The following PTPDC1 variants were observed in gnomAD, a reference collection of about 807,000 sequenced individuals.
PTPDC1 encodes the protein protein tyrosine phosphatase domain containing 1, also known as protein tyrosine phosphatase domain-containing protein 1.
A neutral mutation model predicts 75.3 loss-of-function variants in PTPDC1; 53 were observed. The observed-to-expected ratio is 0.70, with a 90% CI of 0.56 to 0.88. The LOEUF (loss-of-function observed/expected upper bound fraction) is 0.88, where lower values mean the gene tolerates loss of function less well. Ranked by LOEUF, PTPDC1 falls within the 40% of genes least tolerant of loss-of-function variation. The probability of loss-of-function intolerance (pLI) is 0.00; values close to 1 mark genes in which losing one functional copy is unlikely to be tolerated. For missense variants in PTPDC1, 925 were observed against 998.6 expected (o/e 0.93, Z 0.99); for synonymous variants, 349 against 366.2 (o/e 0.95, Z 0.54).
chr9:94,066,668 C>T (rs1279705219), intron 2 of PTPDC1, among the ~76,000 whole-genome samples: 5 of 152,092 alleles, frequency 3.3e-5, no homozygotes, highest in Non-Finnish European at 5.9e-5. Context: ...AGAGATTCTC[C>T]TGTCTCAGCC....
chr9:94,052,030 C>G (rs1825807030), intron 1 of PTPDC1, among the ~76,000 whole-genome samples: 1 of 151,946 alleles, frequency 6.6e-6, no homozygotes, highest in African/African-American at 2.4e-5. Context: ...TAGCGGCATC[C>G]CATAAATTTT....
In PTPDC1 at chr9:94,098,475, G is replaced by A. The variant is rs772445568; in HGVS notation, c.1909G>A (p.Glu637Lys). The A allele has an allele frequency of 1.2e-6, 2 of 1,614,166 alleles. No individual in the cohort carries two copies. Among genetic ancestry groups the A allele is most frequent in the South Asian group, 2.2e-5 (2 of 91,090 alleles). ...EAASHSALQS[E>K]LSAEARRILA... is the part of the protein sequence containing the mutation. ...AGCTTCACACTCTGCATTACAGTCT[G>A]AATTGAGTGCTGAGGCAAGAAGAAT... Residue 637 changes from glutamate to lysine, a missense_variant, in exon 6 of 9, where the codon GAA (glutamate) becomes AAA (lysine). Physicochemically the swap from Glu to Lys is moderately conservative, Grantham distance 56 (BLOSUM62 1). Coordinates refer to ENST00000620992, the MANE Select transcript of PTPDC1 (RefSeq NM_001253829.2).
chr9:94,104,306 A>C lies in PTPDC1; in HGVS notation c.2231A>C (p.His744Pro). Residue 744 changes from histidine (H) to proline (P), a missense_variant, in exon 8 of 9, where the codon CAC (histidine) becomes CCC (proline). Transcript: ENST00000620992. ...GQHQTILCVL[H>P]CIVNLQTIPV... Reference sequence around the variant, plus strand: ...CACCAGACTATTCTCTGCGTGTTGCACTGCATAGTGAACCTGCAGACAATT... The same window carrying C: ...CACCAGACTATTCTCTGCGTGTTGCCCTGCATAGTGAACCTGCAGACAATT... The C allele has an allele frequency of 6.2e-7, 1 of 1,613,832 alleles. No individual in the cohort carries two copies. Among genetic ancestry groups the C allele is most frequent in the Non-Finnish European group, 8.5e-7 (1 of 1,179,784 alleles).
chr9:94,088,962 A>G (rs1827177081), intron 4 of PTPDC1, among the ~76,000 whole-genome samples: 2 of 152,178 alleles, frequency 1.3e-5, no homozygotes, highest in African/African-American at 2.4e-5. Context: ...GAGTAACTAT[A>G]GCATGAATCA....
intron 1 of PTPDC1, among the ~76,000 whole-genome samples, chr9:94,056,376 T>C (rs1250043417): frequency 6.6e-6 from 1 of 152,226 alleles, no homozygotes; most frequent in African/African-American, 2.4e-5. Flanking sequence ...CTACGATTGC[T>C]GTCTAGAATC....
At chr9:94,083,468 A>T (rs1052275653), upstream of PTPDC1, among the ~76,000 whole-genome samples, 1 of 152,106 alleles carries the variant, frequency 6.6e-6, no homozygotes, top group African/African-American at 2.4e-5. Context: ...AAAAAAAAAA[A>T]ATAGAAAATA....
intron 1 of PTPDC1, among the ~76,000 whole-genome samples, chr9:94,052,165 A>G (rs1037193541): frequency 6.6e-6 from 1 of 152,158 alleles, no homozygotes; most frequent in Non-Finnish European, 1.5e-5. Flanking sequence ...CAAGATATAT[A>G]TATACTTTAA....
At chr9:94,099,698 A>G (rs1347079429) in intron 6 of PTPDC1, among the ~76,000 whole-genome samples, 1 of 152,240 alleles carries the variant, frequency 6.6e-6, no homozygotes, top group Non-Finnish European at 1.5e-5. Context: ...TCAGTCAGCA[A>G]ATATTTCCTG....
At chr9:94,051,651 G>A (rs984956452) in intron 1 of PTPDC1, among the ~76,000 whole-genome samples, 2 of 152,108 alleles carry the variant, frequency 1.3e-5, no homozygotes, top group African/African-American at 4.8e-5. Flanking sequence ...GCTTTATCAG[G>A]TATAGGATTA....
chr9:94,032,709 C>T (rs914265614), intron 1 of PTPDC1, among the ~76,000 whole-genome samples: 14 of 152,134 alleles, frequency 9.2e-5, no homozygotes, highest in South Asian at 4.1e-4. Flanking sequence ...TATTTTGAGA[C>T]GGGGTCTCAC....
intron 1 of PTPDC1, among the ~76,000 whole-genome samples, chr9:94,043,965 A>G (rs202173906): frequency 6.6e-6 from 1 of 152,140 alleles, no homozygotes; most frequent in East Asian, 1.9e-4. Flanking sequence ...AAATTAGTCG[A>G]CTATATTTTT....
chr9:94,104,413 C>G, intron 8 of PTPDC1, 28 bp downstream of exon 8: 1 of 1,423,082 alleles, frequency 7.0e-7, no homozygotes, highest in South Asian at 1.2e-5. Context: ...TTTCCCCTCT[C>G]TGAACCACAG....
intron 1 of PTPDC1, among the ~76,000 whole-genome samples, chr9:94,032,764 C>T (rs905121326): frequency 2.6e-5 from 4 of 152,138 alleles, no homozygotes; most frequent in African/African-American, 9.7e-5. Context: ...TAAATTAATC[C>T]TTGACCTCCT....
chr9:94,061,037 T>A (rs1310606588), intron 1 of PTPDC1, among the ~76,000 whole-genome samples: 1 of 152,174 alleles, frequency 6.6e-6, no homozygotes, highest in Non-Finnish European at 1.5e-5. Flanking sequence ...GAGACAAGGC[T>A]AGTACCTTCC....
intron 1 of PTPDC1, among the ~76,000 whole-genome samples, chr9:94,033,960 T>C (rs1310523308): frequency 6.6e-6 from 1 of 152,322 alleles, no homozygotes; most frequent in African/African-American, 2.4e-5. Context: ...ACACTTATCA[T>C]GTGCCAGGCA....
chr9:94,064,585 C>T, intron 1 of PTPDC1: 1 of 581,408 alleles, frequency 1.7e-6, no homozygotes, highest in Non-Finnish European at 3.0e-6. Context: ...CACTTAACAG[C>T]ACATCTCAAC....
At chr9:94,047,199 T>C (rs1255816859) in intron 1 of PTPDC1, among the ~76,000 whole-genome samples, 3 of 152,228 alleles carry the variant, frequency 2.0e-5, no homozygotes, top group African/African-American at 7.2e-5. Flanking sequence ...TGAAGCCCAC[T>C]TGATCATGGT....
At chr9:94,094,611 C>G (rs10993050) in intron 4 of PTPDC1, among the ~76,000 whole-genome samples, 11,698 of 152,126 alleles carry the variant, frequency 0.077, 582 homozygotes, top group East Asian at 0.14. Context: ...CCACCCAGTT[C>G]GAGCTTCCCG....
At chr9:94,050,058 G>T (rs1217153628) in intron 1 of PTPDC1, among the ~76,000 whole-genome samples, 1 of 152,082 alleles carries the variant, frequency 6.6e-6, no homozygotes, top group East Asian at 1.9e-4. Context: ...TTGGTTTTCA[G>T]CTCCATCAGG....
Sources: gnomAD v4.1 joint callset for allele counts (sites outside exome capture counted in the v4.1 genomes callset) on GRCh38, gnomAD v4.1.1 for gene constraint, MANE v1.5 for transcripts, NCBI Gene and HGNC (gene_info 2026-07-23, HGNC 2026-07-21) for gene names.